Variants in DMD observed in about 807,000 individuals in gnomAD.
DMD encodes the protein dystrophin.
Under a neutral mutation model 330.1 loss-of-function variants are expected in DMD, and 63 were observed. That is an observed-to-expected ratio of 0.19 (90% confidence interval 0.16 to 0.24). DMD has a LOEUF of 0.24. Ranked by LOEUF, DMD falls within the 10% of genes least tolerant of loss-of-function variation. The pLI is 1.00. For synonymous variants in DMD, 1,223 were observed against 959.8 expected (o/e 1.27, Z -5.07); for missense variants, 3,344 against 2,684.1 (o/e 1.25, Z -5.43).
chrX:32,740,316 G>A (rs1030347445), intron 7 of DMD, among the ~76,000 whole-genome samples: 1 of 110,184 alleles, frequency 9.1e-6, no homozygotes, highest in Non-Finnish European at 1.9e-5. Flanking sequence ...GATGCATAAT[G>A]TAGTGTATCC....
chrX:32,293,300 G>A (rs1012102730), intron 42 of DMD, among the ~76,000 whole-genome samples: 3 of 112,148 alleles, frequency 2.7e-5, no homozygotes, highest in Non-Finnish European at 5.6e-5. Context: ...CTCAGGAAAG[G>A]TGTTTAGGGT....
intron 55 of DMD, among the ~76,000 whole-genome samples, chrX:31,590,935 G>A (rs745640325): frequency 9.0e-6 from 1 of 111,527 alleles, no homozygotes; most frequent in South Asian, 3.7e-4. Context: ...AGGGCCGGAA[G>A]TTCTTTTCCT....
intron 1 of DMD, among the ~76,000 whole-genome samples, chrX:33,290,665 A>C (rs1164815610): frequency 9.0e-6 from 1 of 111,516 alleles, no homozygotes; most frequent in East Asian, 2.8e-4. Context: ...TAAACTAGAC[A>C]AGTGCATACA....
At chrX:31,223,245 T>A (rs73617060) in intron 63 of DMD, 124 bp from the exon 64 acceptor site, 1 of 600,627 alleles carries the variant, frequency 1.7e-6, no homozygotes, top group African/African-American at 2.2e-5. Flanking sequence ...AAACATATAG[T>A]GTGTATACGC....
chrX:32,490,375 G>A (rs1040280002), intron 20 of DMD, among the ~76,000 whole-genome samples: 1 of 111,459 alleles, frequency 9.0e-6, no homozygotes, highest in Non-Finnish European at 1.9e-5. Context: ...TCTTACACTT[G>A]AAGGCATAAT....
chrX:31,300,224 C>T (rs189464778), intron 62 of DMD, among the ~76,000 whole-genome samples: 1 of 112,153 alleles, frequency 8.9e-6, no homozygotes. Context: ...AACAAAAAAC[C>T]GATGGTGTAT....
At chrX:32,970,037 A>G (rs2092326626) in intron 2 of DMD, among the ~76,000 whole-genome samples, 1 of 95,086 alleles carries the variant, frequency 1.1e-5, no homozygotes, top group Non-Finnish European at 2.0e-5. Context: ...GTGTTACTCC[A>G]TAGTCAATGA....
chrX:32,522,680 T>A (rs1409872365), intron 17 of DMD, among the ~76,000 whole-genome samples: 1 of 112,474 alleles, frequency 8.9e-6, no homozygotes, highest in Non-Finnish European at 1.9e-5. Context: ...TTCTACTTTG[T>A]CTTTTATTCA....
chrX:33,081,005 C>A (rs112244800), intron 1 of DMD, among the ~76,000 whole-genome samples: 44 of 94,323 alleles, frequency 4.7e-4, no homozygotes, highest in Admixed American at 1.1e-3. Context: ...CACACACACA[C>A]ACAAAAACAC....
At chrX:32,629,737 T>C (rs2058609844) in intron 11 of DMD, among the ~76,000 whole-genome samples, 1 of 109,441 alleles carries the variant, frequency 9.1e-6, no homozygotes, top group Admixed American at 9.8e-5. Context: ...GAATAAGTTA[T>C]AATCCATTAT....
At chrX:33,192,480 T>A (rs1276156072) in intron 1 of DMD, among the ~76,000 whole-genome samples, 1 of 112,248 alleles carries the variant, frequency 8.9e-6, no homozygotes, top group Non-Finnish European at 1.9e-5. Flanking sequence ...TGCTTTAAGA[T>A]AATATTTCTC....
chrX:32,670,659 T>C (rs1318757972), intron 9 of DMD, among the ~76,000 whole-genome samples: 1 of 112,202 alleles, frequency 8.9e-6, no homozygotes, highest in Non-Finnish European at 1.9e-5. Flanking sequence ...TTGCAAACCT[T>C]GTTCTATTTG....
intron 19 of DMD, among the ~76,000 whole-genome samples, chrX:32,492,212 C>T (rs978951756): frequency 9.0e-6 from 1 of 111,208 alleles, no homozygotes; most frequent in African/African-American, 3.3e-5. Context: ...GTGGCGGGCG[C>T]CTGGGGTTCC....
intron 1 of DMD, among the ~76,000 whole-genome samples, chrX:33,327,715 A>G (rs1005483514): frequency 1.8e-5 from 2 of 111,653 alleles, no homozygotes; most frequent in Non-Finnish European, 3.8e-5. Flanking sequence ...AATCTGTATC[A>G]CTAACTCAAT....
At chrX:32,581,370 A>G (rs759881136) in intron 13 of DMD, among the ~76,000 whole-genome samples, 1 of 112,521 alleles carries the variant, frequency 8.9e-6, no homozygotes, top group African/African-American at 3.2e-5. Flanking sequence ...TACTATGTAG[A>G]AAAACAGACT....
At chrX:31,422,104 C>T (rs1406318456) in intron 60 of DMD, among the ~76,000 whole-genome samples, 1 of 102,688 alleles carries the variant, frequency 9.7e-6, no homozygotes, top group Non-Finnish European at 2.0e-5. Flanking sequence ...GCTCCGGGTT[C>T]AAGCAATTCT....
At chrX:32,573,343 G>C (rs751441458) in intron 15 of DMD, among the ~76,000 whole-genome samples, 187 bp downstream of exon 15, 1 of 111,835 alleles carries the variant, frequency 8.9e-6, no homozygotes, top group African/African-American at 3.2e-5. Context: ...GAAAAACAAA[G>C]TTGAAAATCC....
At position 32,876,363 on chromosome X, in the gene DMD, T is replaced by C. The variant is rs773520784; in HGVS notation, c.94-26543A>G. Among the ~76,000 whole-genome samples the C allele has an allele frequency of 1.4e-4, 16 of 112,339 alleles. No homozygotes were observed. In the South Asian group the frequency reaches 5.2e-3, roughly 36 times the overall value. On this transcript the variant is annotated intron_variant, in intron 2 of 78. Coordinates refer to ENST00000357033, the MANE Select transcript of DMD (RefSeq NM_004006.3). Reference sequence around the variant, plus strand: ...CTTGACAGTTATCCAATTTAGTCTATGTAGTACAACTAGTTATTTTCCTAA... The same window carrying C: ...CTTGACAGTTATCCAATTTAGTCTACGTAGTACAACTAGTTATTTTCCTAA...
At chrX:31,192,538 G>A (rs750269338) in intron 67 of DMD, among the ~76,000 whole-genome samples, 3 of 111,752 alleles carry the variant, frequency 2.7e-5, no homozygotes, top group South Asian at 3.8e-4. Context: ...GTTGTTACCC[G>A]GAAGATCAGG....
Sources: gnomAD v4.1 joint callset for allele counts (sites outside exome capture counted in the v4.1 genomes callset) on GRCh38, gnomAD v4.1.1 for gene constraint, MANE v1.5 for transcripts, NCBI Gene and HGNC (gene_info 2026-07-23, HGNC 2026-07-21) for gene names.